The following CALN1 variants were observed in gnomAD, a reference collection of about 807,000 sequenced individuals.
CALN1 encodes the protein calneuron 1, also known as calcium-binding protein 8.
CALN1 carries 17 observed loss-of-function variants against 30.6 expected under a neutral mutation model. That is an observed-to-expected ratio of 0.56 (90% confidence interval 0.38 to 0.83). The LOEUF is 0.83. CALN1 is among the 40% of genes least tolerant of loss of function. CALN1 has a pLI of 0.00. For synonymous variants in CALN1, 156 were observed against 131.4 expected (o/e 1.19, Z -1.28); for missense variants, 291 against 354.9 (o/e 0.82, Z 1.45).
intron 1 of CALN1, among the ~76,000 whole-genome samples, chr7:72,442,965 C>G (rs1808402881): frequency 6.6e-6 from 1 of 151,452 alleles, no homozygotes; most frequent in South Asian, 2.1e-4. Context: ...AAGGGTTGCA[C>G]TTATTTAGGA....
intron 6 of CALN1, among the ~76,000 whole-genome samples, chr7:71,797,865 G>A (rs1787020907): frequency 6.6e-6 from 1 of 152,168 alleles, no homozygotes; most frequent in African/African-American, 2.4e-5. Flanking sequence ...TTGACCAGGT[G>A]TCATACCCAA....
rs756673466 is a variant in CALN1 at position 72,277,388 on chromosome 7, T to G, written c.244+1298A>C. Among the ~76,000 whole-genome samples, 82 of 152,238 alleles carry G rather than the reference T, an allele frequency of 5.4e-4. No homozygotes were observed. The Middle Eastern group carries it at 0.01, about 19-fold the overall frequency. On this transcript the variant is annotated intron_variant, in intron 3 of 6. Coordinates refer to ENST00000395275, the MANE Select transcript of CALN1 (RefSeq NM_031468.4). ...TCTGTGTCCTGCACCAGCACACCTT[T>G]TGCTCAACTGAAGACCAGAAGATGT...
At chr7:72,381,658 T>C (rs991138964) in intron 2 of CALN1, among the ~76,000 whole-genome samples, 1 of 151,942 alleles carries the variant, frequency 6.6e-6, no homozygotes, top group South Asian at 2.1e-4. Flanking sequence ...AATGAGAACG[T>C]ATGGAAACAG....
intron 5 of CALN1, among the ~76,000 whole-genome samples, chr7:71,961,608 G>C (rs1797250956): frequency 6.6e-6 from 1 of 152,126 alleles, no homozygotes; most frequent in Admixed American, 6.6e-5. Context: ...ATAAGAAAAT[G>C]TGTGTGCGCA....
At chr7:71,948,011 C>T (rs1489413372) in intron 5 of CALN1, among the ~76,000 whole-genome samples, 1 of 151,900 alleles carries the variant, frequency 6.6e-6, no homozygotes, top group Admixed American at 6.6e-5. Context: ...GGAAGATCCA[C>T]AGAGGGGCAG....
At chr7:71,838,114 G>T (rs1464876900) in intron 5 of CALN1, among the ~76,000 whole-genome samples, 5 of 152,018 alleles carry the variant, frequency 3.3e-5, no homozygotes, top group African/African-American at 1.2e-4. Flanking sequence ...TCCAGATTTT[G>T]TTCTGCGGAA....
chr7:72,352,508 C>A (rs1802986527), intron 2 of CALN1, among the ~76,000 whole-genome samples: 2 of 151,488 alleles, frequency 1.3e-5, no homozygotes, highest in Non-Finnish European at 2.9e-5. Context: ...TTAAAAATTC[C>A]CCAAGATTTT....
chr7:71,805,351 G>C (rs1787545811), intron 6 of CALN1, among the ~76,000 whole-genome samples: 1 of 152,290 alleles, frequency 6.6e-6, no homozygotes, highest in South Asian at 2.1e-4. Context: ...TGGGGGCTCT[G>C]GGGCTGAGGG....
rs553738631 is a variant in CALN1, at chr7:71,972,361, G to C, written c.501+51296C>G. Among the ~76,000 whole-genome samples the C allele has an allele frequency of 2.0e-5, 3 of 152,282 alleles. No homozygotes were observed. In the East Asian group the frequency reaches 5.8e-4, roughly 29 times the overall value. On this transcript the variant is annotated intron_variant, in intron 5 of 6. Transcript: ENST00000395275. ...AAATTGTGTGGGCCAAAAGACTTCT[G>C]GTTATAGAATGGCGGCCTTTGTGAG... is the stretch of plus-strand genomic sequence containing the variant.
At chr7:72,415,766 G>A (rs1807401711), upstream of CALN1, among the ~76,000 whole-genome samples, 1 of 152,186 alleles carries the variant, frequency 6.6e-6, no homozygotes, top group Non-Finnish European at 1.5e-5. Context: ...AGGCAGTGGG[G>A]CAGAGGCCCG....
At chr7:72,269,773 C>CT (rs1447587323) in intron 3 of CALN1, among the ~76,000 whole-genome samples, 2 of 152,160 alleles carry the variant, frequency 1.3e-5, no homozygotes, top group Non-Finnish European at 2.9e-5. Context: ...AATGTTCAGT[C>CT]TATAGTCAAA....
At chr7:71,974,417 C>CAAA (rs1052896558) in intron 5 of CALN1, among the ~76,000 whole-genome samples, 102 of 54,908 alleles carry the variant, frequency 1.9e-3, no homozygotes, top group East Asian at 2.5e-3. Flanking sequence ...GACTCCATCT[C>CAAA]AAAAAAAAAA....
intron 3 of CALN1, among the ~76,000 whole-genome samples, chr7:72,140,877 G>T (rs1286083930): frequency 6.6e-6 from 1 of 152,256 alleles, no homozygotes; most frequent in Non-Finnish European, 1.5e-5. Flanking sequence ...TGCCTGTCCA[G>T]CCCAGGGCGC....
chr7:72,291,057 G>A (rs1362995611), intron 2 of CALN1, among the ~76,000 whole-genome samples: 1 of 151,876 alleles, frequency 6.6e-6, no homozygotes, highest in South Asian at 2.1e-4. Context: ...CCAAGTAGCT[G>A]GGATTACAGT....
In CALN1 at chr7:72,111,994, A is replaced by AC. The variant is rs537283470; in HGVS notation, c.245-5701dup. Among the ~76,000 whole-genome samples, 14 of 150,082 alleles carry AC rather than the reference A, an allele frequency of 9.3e-5. No homozygotes were observed. In the South Asian group the frequency reaches 2.1e-3, roughly 23 times the overall value. The stretch of plus-strand genomic sequence containing the variant: ...TTGAACTCCTAACCTCAGGTGATCC[A>AC]CCCCCCTCTGCTTCCCAAAGTGCTA... On this transcript the variant is annotated intron_variant, in intron 3 of 6. Transcript: ENST00000395275.
At chr7:72,455,764 T>C in the CALN1 span, among the ~76,000 whole-genome samples, 1 of 151,852 alleles carries the variant, frequency 6.6e-6, no homozygotes, top group Non-Finnish European at 1.5e-5. Context: ...ATTCCCAGGC[T>C]CCAAGCAAGG....
chr7:72,105,788 G>GGGCA lies in CALN1; in HGVS notation c.388+362_388+363insTGCC, dbSNP rs1554441699. On this transcript the variant is annotated intron_variant, in intron 4 of 6. Transcript: ENST00000395275. ...AAGAAGAAGGAGGAGGAGGAGGAGG[G>GGGCA]GGGAGGGAGGGAGGGAGGAGGAGGA... 1.6e-3 allele frequency among the ~76,000 whole-genome samples: 129 copies of GGGCA among 78,582 alleles called. 2 individuals are homozygous for GGGCA. In the East Asian group the frequency reaches 0.068, roughly 41 times the overall value. The allele number at this position is 78,582 out of a possible 152,430, so 51.6% of individuals were successfully genotyped here.
intron 5 of CALN1, among the ~76,000 whole-genome samples, chr7:71,969,038 G>A (rs1390975921): frequency 6.6e-6 from 1 of 150,962 alleles, no homozygotes; most frequent in East Asian, 1.9e-4. Context: ...GACAGAGTGA[G>A]CCTCTATCTC....
At chr7:72,385,030 G>C (rs558274910) in intron 2 of CALN1, among the ~76,000 whole-genome samples, 3 of 152,102 alleles carry the variant, frequency 2.0e-5, no homozygotes, top group African/African-American at 7.2e-5. Flanking sequence ...AAAAATATAC[G>C]GATGGCAAGT....
Sources: gnomAD v4.1 joint callset for allele counts (sites outside exome capture counted in the v4.1 genomes callset) on GRCh38, gnomAD v4.1.1 for gene constraint, MANE v1.5 for transcripts, NCBI Gene and HGNC (gene_info 2026-07-23, HGNC 2026-07-21) for gene names.